Variants in PGBD5 observed in about 807,000 individuals in gnomAD.
The protein encoded by PGBD5 is piggyBac transposable element derived 5, also known as piggyBac transposable element-derived protein 5.
In PGBD5, 14 loss-of-function variants were observed where a neutral mutation model predicts 47.9. The ratio of observed to expected loss-of-function variants is 0.29; its 90% confidence interval spans 0.19 to 0.46. PGBD5 has a LOEUF of 0.46. PGBD5 is among the 20% of genes least tolerant of loss of function. The pLI, the probability that PGBD5 is intolerant of heterozygous loss-of-function variation, is 1.00. For missense variants in PGBD5, 635 were observed against 716.0 expected, an observed-to-expected ratio of 0.89 and a Z score of 1.29; for synonymous variants, 316 against 306.3, an observed-to-expected ratio of 1.03 and a Z score of -0.33.
At chr1:230,368,251 A>G (rs1667873253) in intron 1 of PGBD5, 2 of 1,233,240 alleles carry the variant, frequency 1.6e-6, no homozygotes, top group South Asian at 1.5e-5. Flanking sequence ...TTCCATGCCT[A>G]AAATAAATTC....
chr1:230,378,877 T>G lies in PGBD5; in HGVS notation c.332-21556A>C, dbSNP rs112309258. ...TTACTGTCTTTCATAAAGACACTGA[T>G]GAGTCAACCCAAAGAAAGCAGCCAT... is the stretch of plus-strand genomic sequence containing the variant. On this transcript the variant is annotated intron_variant, in intron 1 of 6. Coordinates refer to ENST00000391860, the MANE Select transcript of PGBD5 (RefSeq NM_001258311.2). Among the ~76,000 whole-genome samples, 599 of 152,238 alleles carry G rather than the reference T, an allele frequency of 3.9e-3. 8 individuals are homozygous for G. The highest frequency in any genetic ancestry group is 0.014 in the African/African-American group (568 of 41,516).
intron 1 of PGBD5, among the ~76,000 whole-genome samples, chr1:230,414,614 C>A (rs1377618275): frequency 6.6e-6 from 1 of 152,222 alleles, no homozygotes; most frequent in Non-Finnish European, 1.5e-5. Flanking sequence ...TCCACTGGCA[C>A]TCTGAATGCA....
chr1:230,338,463 G>T (rs1040941589), intron 3 of PGBD5, among the ~76,000 whole-genome samples: 1 of 152,302 alleles, frequency 6.6e-6, no homozygotes, highest in South Asian at 2.1e-4. Flanking sequence ...GCTCCTGGGG[G>T]CAACATGTAG....
In PGBD5 at chr1:230,331,623, C is replaced by A. The variant is rs548888202; in HGVS notation, c.1273+1221G>T. ...ATCTCCTTTCTTCTTCCTCTACTTC[C>A]TCTTCCTCTTTCTTCTTCGTTCTTC... On this transcript the variant is annotated intron_variant, in intron 5 of 6. Coordinates refer to ENST00000391860, the MANE Select transcript of PGBD5 (RefSeq NM_001258311.2). 2.6e-5 allele frequency among the ~76,000 whole-genome samples: 4 copies of A among 151,968 alleles called. No homozygotes were observed. The South Asian group carries it at 8.3e-4, about 32-fold the overall frequency.
chr1:230,386,755 G>C (rs901683087), intron 1 of PGBD5, among the ~76,000 whole-genome samples: 4 of 152,142 alleles, frequency 2.6e-5, no homozygotes, highest in Admixed American at 1.3e-4. Context: ...GATTTGGTAA[G>C]ACATCTCTAT....
intron 1 of PGBD5, among the ~76,000 whole-genome samples, chr1:230,390,037 C>G (rs74741100): frequency 0.013 from 1,955 of 152,244 alleles, 47 homozygotes; most frequent in African/African-American, 0.045. Context: ...GAAAAGAGAA[C>G]ACAGCTCTGG....
At chr1:230,413,175 C>T (rs1657448663) in intron 1 of PGBD5, among the ~76,000 whole-genome samples, 1 of 152,132 alleles carries the variant, frequency 6.6e-6, no homozygotes, top group South Asian at 2.1e-4. Flanking sequence ...GTAAATATTA[C>T]CTTCAGTTGC....
intron 1 of PGBD5, chr1:230,377,383 T>A: frequency 8.5e-7 from 1 of 1,181,502 alleles, no homozygotes; most frequent in Non-Finnish European, 1.2e-6. Context: ...CATCAACACG[T>A]GATAAATCCT....
intron 1 of PGBD5, among the ~76,000 whole-genome samples, chr1:230,389,051 T>C (rs1197468899): frequency 6.6e-6 from 1 of 152,198 alleles, no homozygotes; most frequent in African/African-American, 2.4e-5. Flanking sequence ...AGACCGCTGC[T>C]GCAAGGAGAC....
chr1:230,379,049 T>C (rs1309797614), intron 1 of PGBD5, among the ~76,000 whole-genome samples: 3 of 152,122 alleles, frequency 2.0e-5, no homozygotes, highest in Non-Finnish European at 4.4e-5. Context: ...AGGGAACCCA[T>C]CTGATGCCTC....
At chr1:230,392,513 T>G (rs573121209) in intron 1 of PGBD5, among the ~76,000 whole-genome samples, 6 of 152,218 alleles carry the variant, frequency 3.9e-5, no homozygotes, top group Non-Finnish European at 5.9e-5. Context: ...CCGAGCTTTG[T>G]TATTTTATCT....
rs1352155074 is a variant in PGBD5 at position 230,315,640 on chromosome 1, C to A, written c.*7785G>T. 1 of 151,796 alleles carries A rather than the reference C, an allele frequency of 6.6e-6. No homozygotes were observed. The highest frequency in any genetic ancestry group is 1.5e-5 in the Non-Finnish European group (1 of 67,928). 9.4% of individuals were successfully genotyped at this position (151,796 alleles called of 1,614,324 possible). Reference sequence around the variant, plus strand: ...TTGATTGCTAAGGACCTAGCAGAGGCTCATCATGTGGTAGACTCTGTATTT... The same window carrying A: ...TTGATTGCTAAGGACCTAGCAGAGGATCATCATGTGGTAGACTCTGTATTT... On this transcript the variant is annotated 3_prime_UTR_variant, in exon 7 of 7. Coordinates refer to ENST00000391860, the MANE Select transcript of PGBD5 (RefSeq NM_001258311.2).
At chr1:230,423,758 G>C (rs557867514) in intron 1 of PGBD5, among the ~76,000 whole-genome samples, 1 of 152,216 alleles carries the variant, frequency 6.6e-6, no homozygotes, top group African/African-American at 2.4e-5. Flanking sequence ...AACAAAACTG[G>C]GTAAAAATAC....
intron 1 of PGBD5, among the ~76,000 whole-genome samples, chr1:230,382,282 T>C (rs993872838): frequency 6.7e-6 from 1 of 150,230 alleles, no homozygotes; most frequent in Admixed American, 6.6e-5. Context: ...CATTTTGAAG[T>C]ATTTTAATTT....
At chr1:230,381,892 C>G (rs1199978051) in intron 1 of PGBD5, among the ~76,000 whole-genome samples, 1 of 152,132 alleles carries the variant, frequency 6.6e-6, no homozygotes, top group East Asian at 1.9e-4. Context: ...CTGTCCCTCT[C>G]CCATCCTACA....
chr1:230,331,568 G>C (rs1057155297), intron 5 of PGBD5, among the ~76,000 whole-genome samples: 2 of 151,968 alleles, frequency 1.3e-5, no homozygotes, highest in African/African-American at 4.8e-5. Context: ...AGCTTGCAAG[G>C]CCAATTCCAA....
chr1:230,389,623 C>G (rs1247082016), intron 1 of PGBD5, among the ~76,000 whole-genome samples: 2 of 152,178 alleles, frequency 1.3e-5, no homozygotes, highest in African/African-American at 4.8e-5. Context: ...TTTTCCATTC[C>G]TTGGACACTG....
intron 3 of PGBD5, among the ~76,000 whole-genome samples, chr1:230,342,496 C>A (rs1667420499): frequency 6.6e-6 from 1 of 152,162 alleles, no homozygotes; most frequent in Admixed American, 6.5e-5. Flanking sequence ...ACTGAAGACG[C>A]AGAATGAGAT....
intron 1 of PGBD5, among the ~76,000 whole-genome samples, chr1:230,418,549 ACAGT>A (rs1657576060): frequency 1.3e-5 from 2 of 152,074 alleles, no homozygotes; most frequent in Non-Finnish European, 2.9e-5. Flanking sequence ...AGCTTGTACC[ACAGT>A]CTGGAGTGCA....
Sources: allele counts gnomAD v4.1 joint callset (sites outside exome capture counted in the v4.1 genomes callset), GRCh38; gene constraint gnomAD v4.1.1; transcripts MANE v1.5; gene names NCBI Gene and HGNC (gene_info 2026-07-23, HGNC 2026-07-21).